The following PUDP variants were observed in gnomAD, a reference collection of about 807,000 sequenced individuals.
The protein encoded by PUDP is pseudouridine-5'-phosphatase.
A neutral mutation model predicts 9.4 loss-of-function variants in PUDP; 8 were observed. The ratio of observed to expected loss-of-function variants is 0.85; its 90% CI spans 0.50 to 1.53. The LOEUF (loss-of-function observed/expected upper bound fraction) is 1.53. Ranked by LOEUF, PUDP falls within the 40% of genes most tolerant of loss-of-function variation. PUDP has a pLI of 0.00. For missense variants in PUDP, 188 were observed against 189.7 expected, an observed-to-expected ratio of 0.99 and a Z score of 0.05; for synonymous variants, 99 against 80.7, an observed-to-expected ratio of 1.23 and a Z score of -1.22.
intron 3 of PUDP, among the ~76,000 whole-genome samples, chrX:6,793,426 T>C (rs1472491754): frequency 9.0e-6 from 1 of 111,716 alleles, no homozygotes; most frequent in Non-Finnish European, 1.9e-5. Flanking sequence ...TGTCACTAAT[T>C]GGGAATTAAC....
chrX:7,114,070 C>G (rs774231279), intron 1 of PUDP, among the ~76,000 whole-genome samples: 1 of 110,054 alleles, frequency 9.1e-6, no homozygotes, highest in African/African-American at 3.3e-5. Flanking sequence ...CTCTCTTTTT[C>G]TTTTTTTCTT....
intron 1 of PUDP, among the ~76,000 whole-genome samples, chrX:6,715,955 A>G (rs1924594283): frequency 9.0e-6 from 1 of 111,515 alleles, no homozygotes; most frequent in Non-Finnish European, 1.9e-5. Context: ...GACCAGGGAA[A>G]TATCTTCCAA....
At chrX:6,984,257 G>A (rs11795813) in intron 1 of PUDP, among the ~76,000 whole-genome samples, 26,805 of 111,077 alleles carry the variant, frequency 0.24, 2,484 homozygotes, top group Admixed American at 0.37. Flanking sequence ...AGACTGGAGA[G>A]GGGAAGGAAA....
chrX:6,907,913 C>T (rs1489467272), intron 3 of PUDP, among the ~76,000 whole-genome samples: 1 of 112,396 alleles, frequency 8.9e-6, no homozygotes, highest in Non-Finnish European at 1.9e-5. Flanking sequence ...ATCTCACTTC[C>T]AAACTCCATG....
At chrX:7,143,425 G>A (rs9988267) in intron 1 of PUDP, among the ~76,000 whole-genome samples, 1,479 of 111,837 alleles carry the variant, frequency 0.013, 25 homozygotes, top group African/African-American at 0.045. Context: ...AAAAGAAAAG[G>A]ATATTTTACA....
rs1056958720 is a variant in PUDP, at chrX:6,753,273, T to G, written c.*248-46807A>C. Reference sequence around the variant, plus strand: ...TCACTTAGAATAATAGTCTCCAATTTCATCCAGGTCACTGCAAATGCTATT... The same window carrying G: ...TCACTTAGAATAATAGTCTCCAATTGCATCCAGGTCACTGCAAATGCTATT... On this transcript the variant is annotated intron_variant and NMD_transcript_variant, in intron 3 of 3. Transcript: ENST00000655425. 6.2e-5 allele frequency among the ~76,000 whole-genome samples: 7 copies of G among 112,311 alleles called. No individual in the cohort carries two copies. In the Admixed American group the frequency reaches 6.6e-4, roughly 11 times the overall value.
chrX:6,712,238 C>T (rs992799865), intron 1 of PUDP, among the ~76,000 whole-genome samples: 17 of 112,102 alleles, frequency 1.5e-4, no homozygotes, highest in African/African-American at 5.5e-4. Flanking sequence ...GCAACCTCTG[C>T]CTGCGAGGTT....
intron 1 of PUDP, among the ~76,000 whole-genome samples, chrX:7,007,680 C>T (rs1333487088): frequency 8.9e-6 from 1 of 112,334 alleles, no homozygotes; most frequent in Non-Finnish European, 1.9e-5. Flanking sequence ...TTAAATCATT[C>T]CTCATATTTC....
intron 2 of PUDP, among the ~76,000 whole-genome samples, chrX:7,088,361 T>C (rs1187899325): frequency 9.0e-6 from 1 of 111,347 alleles, no homozygotes; most frequent in Non-Finnish European, 1.9e-5. Flanking sequence ...TACAATGTGA[T>C]AGTGGGACTG....
At chrX:6,860,023 T>C (rs1926972522) in intron 3 of PUDP, among the ~76,000 whole-genome samples, 1 of 112,481 alleles carries the variant, frequency 8.9e-6, no homozygotes, top group Admixed American at 9.4e-5. Context: ...GAGGTAGATA[T>C]TGTTATAAAC....
rs746611975 is a variant in PUDP at position 6,795,474 on chromosome X, G to A, written c.*248-89008C>T. On this transcript the variant is annotated intron_variant and NMD_transcript_variant, in intron 3 of 3. Coordinates refer to the PUDP transcript ENST00000655425. ...AGTTCCTCCCACCCACCATCATGGGGGCTGTGTAAAGGGCTGGATGATGCC... is the reference window on the plus strand; with the variant it reads ...AGTTCCTCCCACCCACCATCATGGGAGCTGTGTAAAGGGCTGGATGATGCC... Among the ~76,000 whole-genome samples, 8 of 111,387 alleles carry A rather than the reference G, an allele frequency of 7.2e-5. No individual in the cohort carries two copies. In the East Asian group the frequency reaches 2.3e-3, roughly 32 times the overall value.
At chrX:7,027,520 T>C (rs766286080) in intron 1 of PUDP, among the ~76,000 whole-genome samples, 21 of 104,437 alleles carry the variant, frequency 2.0e-4, no homozygotes, top group African/African-American at 7.1e-4. Flanking sequence ...AGAGAGAATA[T>C]ATATATATTC....
At chrX:6,717,656 T>C (rs769442557) in intron 1 of PUDP, among the ~76,000 whole-genome samples, 3 of 111,857 alleles carry the variant, frequency 2.7e-5, no homozygotes, top group Non-Finnish European at 3.8e-5. Flanking sequence ...CAAAGAACTT[T>C]TGCAGATGTC....
At chrX:6,958,745 CAAAAAAAAAAA>C (rs138391788) in intron 3 of PUDP, among the ~76,000 whole-genome samples, 19 of 60,705 alleles carry the variant, frequency 3.1e-4, no homozygotes, top group African/African-American at 1.2e-3. Flanking sequence ...AATGCCATCT[CAAAAAAAAAAA>C]AAAAAAAAAA....
intron 1 of PUDP, among the ~76,000 whole-genome samples, chrX:7,127,774 T>A (rs1410157120): frequency 1.8e-5 from 2 of 112,633 alleles, no homozygotes; most frequent in African/African-American, 6.5e-5. Context: ...ATTATTTACA[T>A]TTGCAATTTA....
intron 3 of PUDP, among the ~76,000 whole-genome samples, chrX:6,831,041 G>C (rs928210647): frequency 6.3e-5 from 7 of 111,574 alleles, no homozygotes; most frequent in Admixed American, 5.7e-4. Context: ...GGGTTGGAAA[G>C]TGGGAAGTGC....
At chrX:6,993,436 A>C (rs1929212666) in intron 1 of PUDP, among the ~76,000 whole-genome samples, 1 of 112,103 alleles carries the variant, frequency 8.9e-6, no homozygotes, top group Non-Finnish European at 1.9e-5. Flanking sequence ...GAGCCTGTTC[A>C]TTTCCACTGA....
At chrX:6,948,995 G>A (rs1332235889) in intron 3 of PUDP, among the ~76,000 whole-genome samples, 1 of 112,211 alleles carries the variant, frequency 8.9e-6, no homozygotes, top group Non-Finnish European at 1.9e-5. Context: ...TGTTTCCTAA[G>A]CCAATCCTTT....
chrX:6,763,384 CA>C (rs966133642), intron 3 of PUDP, among the ~76,000 whole-genome samples: 1 of 109,622 alleles, frequency 9.1e-6, no homozygotes, highest in Admixed American at 9.7e-5. Context: ...GTGAGACTGT[CA>C]AAAAAAAATT....
Sources: gnomAD v4.1 joint callset for allele counts (sites outside exome capture counted in the v4.1 genomes callset) on GRCh38, gnomAD v4.1.1 for gene constraint, MANE v1.5 for transcripts, NCBI Gene and HGNC (gene_info 2026-07-23, HGNC 2026-07-21) for gene names.